The following CCSER1 variants were observed in gnomAD, a reference collection of about 807,000 sequenced individuals.
The protein encoded by CCSER1 is serine-rich coiled-coil domain-containing protein 1.
Under a neutral mutation model 82.0 loss-of-function variants are expected in CCSER1, and 41 were observed. That is an observed-to-expected ratio of 0.50 (90% CI 0.39 to 0.65). The LOEUF (loss-of-function observed/expected upper bound fraction) is 0.65, where lower values mean the gene tolerates loss of function less well. Ranked by LOEUF, CCSER1 falls within the 30% of genes least tolerant of loss-of-function variation. CCSER1 has a pLI of 0.00. For missense variants in CCSER1, 1,119 were observed against 1,064.2 expected, an observed-to-expected ratio of 1.05 and a Z score of -0.72; for synonymous variants, 414 against 383.9, an observed-to-expected ratio of 1.08 and a Z score of -0.92.
intron 9 of CCSER1, among the ~76,000 whole-genome samples, chr4:90,951,878 T>C (rs184922883): frequency 2.4e-4 from 37 of 152,140 alleles, no homozygotes; most frequent in Admixed American, 2.3e-3. Flanking sequence ...TGAACACTCA[T>C]ATTTTAGGTT....
chr4:90,395,077 C>A, intron 3 of CCSER1, among the ~76,000 whole-genome samples: 1 of 152,218 alleles, frequency 6.6e-6, no homozygotes, highest in Non-Finnish European at 1.5e-5. Context: ...CCCTTTTCCA[C>A]ACATACCTCA....
intron 10 of CCSER1, among the ~76,000 whole-genome samples, chr4:91,149,655 A>T (rs543720925): frequency 1.2e-4 from 19 of 152,290 alleles, no homozygotes; most frequent in Non-Finnish European, 2.5e-4. Context: ...TAATTTTTGT[A>T]TAAGGTGTAA....
At chr4:90,323,953 A>C (rs531672138) in intron 3 of CCSER1, among the ~76,000 whole-genome samples, 1 of 152,202 alleles carries the variant, frequency 6.6e-6, no homozygotes, top group Non-Finnish European at 1.5e-5. Context: ...GTTTACTGAG[A>C]ATGATGATTT....
chr4:90,654,779 TAGTATA>T lies in CCSER1; in HGVS notation c.1932+26556_1932+26561del, dbSNP rs1316010281. 8.5e-5 allele frequency among the ~76,000 whole-genome samples: 13 copies of T among 152,102 alleles called. No individual in the cohort carries two copies. In the East Asian group the frequency reaches 2.1e-3, roughly 25 times the overall value. ...TCTTTGGAGGCCTATTGCCCCACAG[TAGTATA>T]AGTATAAGAATGAGTGTGATGTTTT... On this transcript the variant is annotated intron_variant, in intron 6 of 10. Coordinates refer to ENST00000509176, the MANE Select transcript of CCSER1 (RefSeq NM_001145065.2).
intron 9 of CCSER1, among the ~76,000 whole-genome samples, chr4:90,942,491 A>G (rs931510006): frequency 6.6e-6 from 1 of 152,142 alleles, no homozygotes; most frequent in Non-Finnish European, 1.5e-5. Context: ...GGATACACAT[A>G]CAAGAAATTG....
At chr4:91,015,315 T>C (rs1216208666) in intron 9 of CCSER1, 2 of 152,230 alleles carry the variant, frequency 1.3e-5, no homozygotes, top group Non-Finnish European at 2.9e-5. Flanking sequence ...TTGGATCTAC[T>C]GCTTTTCAAA....
At chr4:90,376,236 T>C (rs1185979226) in intron 3 of CCSER1, among the ~76,000 whole-genome samples, 1 of 152,154 alleles carries the variant, frequency 6.6e-6, no homozygotes, top group Non-Finnish European at 1.5e-5. Flanking sequence ...GTTTCATTAT[T>C]ATTGCACACC....
intron 7 of CCSER1, among the ~76,000 whole-genome samples, chr4:90,784,940 T>G (rs1369838173): frequency 3.3e-5 from 5 of 152,176 alleles, no homozygotes; most frequent in Non-Finnish European, 5.9e-5. Flanking sequence ...CATCTTTATC[T>G]TCATCCTCGT....
Position 90,312,950 on chromosome 4 carries a change from G to A in CCSER1, c.1412G>A (p.Ser471Asn). The A allele has an allele frequency of 6.3e-7, 1 of 1,594,576 alleles. No homozygotes were observed. Among genetic ancestry groups the A allele is most frequent in the Non-Finnish European group, 8.6e-7 (1 of 1,169,412 alleles). The stretch of plus-strand genomic sequence containing the variant: ...TCGTCAGAAGGCACTGCAGGGAGTA[G>A]CAGAATGATTTTGAAACCGAAAGAT... ...RSSSEGTAGS[S>N]RMILKPKDGN... The change falls in exon 3 of 11, where the codon AGC (serine) becomes AAC (asparagine). Residue 471 changes from serine (S) to asparagine (N), a missense_variant. Physicochemically the swap from Ser to Asn is conservative, Grantham distance 46 (BLOSUM62 1). Transcript: ENST00000509176.
At chr4:91,250,420 G>C (rs1003721851) in intron 10 of CCSER1, among the ~76,000 whole-genome samples, 1 of 152,008 alleles carries the variant, frequency 6.6e-6, no homozygotes, top group Non-Finnish European at 1.5e-5. Context: ...TTAAAATGTA[G>C]TTAAGATATG....
intron 10 of CCSER1, among the ~76,000 whole-genome samples, chr4:91,157,644 C>T (rs562684087): frequency 6.6e-6 from 1 of 151,978 alleles, no homozygotes; most frequent in Admixed American, 6.6e-5. Flanking sequence ...ATGCCAGGGA[C>T]AGCACTTAGA....
At position 91,475,173 on chromosome 4, in the gene CCSER1, GTGTGTGTGTGTT is replaced by G. The variant is rs571144961; in HGVS notation, c.2218-123385_2218-123374del. ...AAGTGACTATGTTTTAAAGGATGTTGTGTGTGTGTGTTTGTGTGTGTGTTTAATGTGGATTAA... is the reference window on the plus strand; with the variant it reads ...AAGTGACTATGTTTTAAAGGATGTTGTGTGTGTGTGTTTAATGTGGATTAA... On this transcript the variant is annotated intron_variant, in intron 10 of 10. Coordinates refer to ENST00000509176, the MANE Select transcript of CCSER1 (RefSeq NM_001145065.2). Among the ~76,000 whole-genome samples, 418 of 151,654 alleles carry G rather than the reference GTGTGTGTGTGTT, an allele frequency of 2.8e-3. 1 individual carries two copies. The highest frequency in any genetic ancestry group is 9.6e-3 in the African/African-American group (398 of 41,432).
chr4:90,484,939 G>A (rs914620488), intron 5 of CCSER1, among the ~76,000 whole-genome samples: 1 of 152,206 alleles, frequency 6.6e-6, no homozygotes, highest in Admixed American at 6.5e-5. Flanking sequence ...AGAGGTTATT[G>A]CTGTCTTTTG....
intron 10 of CCSER1, among the ~76,000 whole-genome samples, chr4:91,459,218 A>G (rs1487559466): frequency 6.6e-6 from 1 of 152,082 alleles, no homozygotes; most frequent in Non-Finnish European, 1.5e-5. Flanking sequence ...TATTTTTATT[A>G]TTTAGTTATT....
chr4:90,146,085 G>T (rs1301583171), intron 1 of CCSER1, among the ~76,000 whole-genome samples: 3 of 152,034 alleles, frequency 2.0e-5, no homozygotes, highest in African/African-American at 7.2e-5. Context: ...TGGGAAAAAT[G>T]TTTCAAAGTG....
At chr4:90,290,738 C>A (rs187466062) in intron 1 of CCSER1, among the ~76,000 whole-genome samples, 2 of 151,764 alleles carry the variant, frequency 1.3e-5, no homozygotes, top group Non-Finnish European at 2.9e-5. Flanking sequence ...ATTGGAAAGT[C>A]GCTTAAAACT....
chr4:91,358,058 C>T (rs529949442), intron 10 of CCSER1, among the ~76,000 whole-genome samples: 3 of 151,982 alleles, frequency 2.0e-5, no homozygotes, highest in Non-Finnish European at 4.4e-5. Flanking sequence ...TTCAATTATC[C>T]TTTGCTATTA....
At chr4:91,125,059 T>G (rs936322411) in intron 10 of CCSER1, among the ~76,000 whole-genome samples, 1 of 151,900 alleles carries the variant, frequency 6.6e-6, no homozygotes, top group South Asian at 2.1e-4. Context: ...GAAATAAATT[T>G]ATGATTTTAT....
At chr4:90,529,940 T>C (rs1774285065) in intron 5 of CCSER1, among the ~76,000 whole-genome samples, 1 of 124,136 alleles carries the variant, frequency 8.1e-6, no homozygotes, top group African/African-American at 3.8e-5. Flanking sequence ...AAATAGAATA[T>C]ATATATATAT....
Sources: allele counts gnomAD v4.1 joint callset (sites outside exome capture counted in the v4.1 genomes callset), GRCh38; gene constraint gnomAD v4.1.1; transcripts MANE v1.5; gene names NCBI Gene and HGNC (gene_info 2026-07-23, HGNC 2026-07-21).